PHGDH: variants seen among roughly 807,000 people sequenced by gnomAD.
PHGDH encodes the protein phosphoglycerate dehydrogenase.
In PHGDH, 50 loss-of-function variants were observed where a neutral mutation model predicts 52.6. The ratio of observed to expected loss-of-function variants is 0.95; its 90% CI spans 0.76 to 1.20. The LOEUF (loss-of-function observed/expected upper bound fraction) is 1.20, where lower values mean the gene tolerates loss of function less well. Among genes scored for constraint, PHGDH ranks in the 50% most tolerant of loss-of-function variants. PHGDH has a pLI of 0.00. For synonymous variants in PHGDH, 271 were observed against 280.5 expected, an observed-to-expected ratio of 0.97 and a Z score of 0.34; for missense variants, 630 against 684.6, an observed-to-expected ratio of 0.92 and a Z score of 0.89.
intron 8 of PHGDH, among the ~76,000 whole-genome samples, chr1:119,738,676 A>G (rs1652052575): frequency 6.6e-6 from 1 of 151,942 alleles, no homozygotes; most frequent in Admixed American, 6.6e-5. Flanking sequence ...TGCCTTCCCC[A>G]TCGCAGCCTT....
intron 5 of PHGDH, among the ~76,000 whole-genome samples, chr1:119,732,598 G>A (rs1016046449): frequency 8.5e-5 from 13 of 152,180 alleles, no homozygotes; most frequent in African/African-American, 2.7e-4. Context: ...CTCTGCCCTG[G>A]TTATCTCAAA....
intron 8 of PHGDH, chr1:119,740,173 G>C (rs968627669): frequency 3.8e-5 from 22 of 581,836 alleles, no homozygotes; most frequent in East Asian, 2.4e-4. Context: ...GTGGCATTCT[G>C]TGTCCATTTC....
intron 5 of PHGDH, among the ~76,000 whole-genome samples, chr1:119,728,829 A>C (rs1022495841): frequency 3.3e-5 from 5 of 152,222 alleles, no homozygotes; most frequent in African/African-American, 1.2e-4. Context: ...TTAGGAGATC[A>C]GTTTTGACAA....
chr1:119,731,245 A>G (rs914546863), intron 5 of PHGDH, among the ~76,000 whole-genome samples: 1 of 152,162 alleles, frequency 6.6e-6, no homozygotes, highest in African/African-American at 2.4e-5. Context: ...CCTGCAGCCT[A>G]CCTGTGGTCT....
chr1:119,731,665 G>A (rs979054075), intron 5 of PHGDH, among the ~76,000 whole-genome samples: 3 of 152,190 alleles, frequency 2.0e-5, no homozygotes, highest in South Asian at 2.1e-4. Flanking sequence ...AGGAAACTGA[G>A]GCCCAGGAAG....
intron 1 of PHGDH, chr1:119,715,888 G>C (rs587761507): frequency 6.6e-6 from 1 of 152,510 alleles, no homozygotes; most frequent in African/African-American, 2.4e-5. Flanking sequence ...CTGGACACTG[G>C]AGAAGTTTTA....
intron 2 of PHGDH, chr1:119,721,606 C>A (rs1247019081): frequency 1.3e-5 from 5 of 372,120 alleles, no homozygotes; most frequent in Non-Finnish European, 2.5e-5. Context: ...ACGAGCCCAC[C>A]CCATGCGCAG....
In PHGDH at chr1:119,712,189, T is replaced by A. The variant is rs752007148; in HGVS notation, c.138+29T>A. The A allele has an allele frequency of 2.5e-6, 4 of 1,607,448 alleles. No homozygotes were observed. The South Asian group carries it at 3.3e-5, about 13-fold the overall frequency. On this transcript the variant is annotated intron_variant, in intron 1 of 11. Coordinates refer to ENST00000641023, the MANE Select transcript of PHGDH (RefSeq NM_006623.4). ...AGGCGAGAGAGAGAAAATTGAGGTCTCTAGGGCAACCTCCATGGAAAAAGG... is the reference window on the plus strand; with the variant it reads ...AGGCGAGAGAGAGAAAATTGAGGTCACTAGGGCAACCTCCATGGAAAAAGG...
intron 1 of PHGDH, among the ~76,000 whole-genome samples, chr1:119,717,232 CAAA>C (rs58549149): frequency 8.0e-5 from 3 of 37,350 alleles, no homozygotes; most frequent in Admixed American, 5.0e-4. Context: ...AACTCTGTCT[CAAA>C]AAAAAAAAAA....
At chr1:119,723,958 A>G (rs1469291368) in intron 3 of PHGDH, among the ~76,000 whole-genome samples, 1 of 152,056 alleles carries the variant, frequency 6.6e-6, no homozygotes, top group Non-Finnish European at 1.5e-5. Context: ...AGAATGGAGT[A>G]AGAACCTGCT....
chr1:119,723,487 A>T (rs768466635), intron 3 of PHGDH, 46 bp downstream of exon 3: 7 of 1,418,932 alleles, frequency 4.9e-6, no homozygotes, highest in Non-Finnish European at 7.0e-6. Context: ...CGATATGCCA[A>T]TTATTACCAC....
intron 5 of PHGDH, 108 bp from the exon 6 acceptor site, chr1:119,734,526 A>G: frequency 9.9e-7 from 1 of 1,006,144 alleles, no homozygotes; most frequent in Non-Finnish European, 1.6e-6. Flanking sequence ...TAAGCTGAGC[A>G]TGGTAGTTAG....
chr1:119,713,319 G>C (rs1650787485), intron 1 of PHGDH: 1 of 152,416 alleles, frequency 6.6e-6, no homozygotes, highest in Non-Finnish European at 1.5e-5. Flanking sequence ...CCACAACCAC[G>C]TGGTCCTGGA....
intron 3 of PHGDH, among the ~76,000 whole-genome samples, chr1:119,723,922 C>G (rs1026433061): frequency 2.6e-5 from 4 of 152,106 alleles, no homozygotes; most frequent in Non-Finnish European, 4.4e-5. Context: ...ATCTCTGTCA[C>G]TGCCCTTACA....
At chr1:119,730,641 T>G (rs1651651878) in intron 5 of PHGDH, among the ~76,000 whole-genome samples, 1 of 152,264 alleles carries the variant, frequency 6.6e-6, no homozygotes, top group Non-Finnish European at 1.5e-5. Context: ...AATTTTATTG[T>G]GCAGATAAAT....
intron 8 of PHGDH, chr1:119,739,945 T>A (rs999192083): frequency 5.0e-6 from 1 of 199,304 alleles, no homozygotes; most frequent in African/African-American, 2.3e-5. Context: ...TGTAAACACT[T>A]AAAAAAATTC....
At chr1:119,713,987 A>G (rs1291804762) in intron 1 of PHGDH, among the ~76,000 whole-genome samples, 1 of 152,132 alleles carries the variant, frequency 6.6e-6, no homozygotes. Context: ...CTTGGAGAAC[A>G]TTTTAAAGGC....
At chr1:119,726,285 A>C (rs1239748369) in intron 3 of PHGDH, among the ~76,000 whole-genome samples, 1 of 151,748 alleles carries the variant, frequency 6.6e-6, no homozygotes, top group Non-Finnish European at 1.5e-5. Context: ...CCACGCATTC[A>C]GGACAGAATG....
At chr1:119,718,428 A>C (rs1277021138) in intron 1 of PHGDH, among the ~76,000 whole-genome samples, 1 of 152,206 alleles carries the variant, frequency 6.6e-6, no homozygotes. Flanking sequence ...GTTACTAGTA[A>C]ATCTCTCCAA....
Sources: allele counts gnomAD v4.1 joint callset (sites outside exome capture counted in the v4.1 genomes callset), GRCh38; gene constraint gnomAD v4.1.1; transcripts MANE v1.5; gene names NCBI Gene and HGNC (gene_info 2026-07-23, HGNC 2026-07-21).